Variants in SASH1 observed in about 807,000 individuals in gnomAD.
SASH1 encodes the protein SAM and SH3 domain-containing protein 1.
Under a neutral mutation model 125.2 loss-of-function variants are expected in SASH1, and 44 were observed. That is an observed-to-expected ratio of 0.35 (90% CI 0.28 to 0.45). The LOEUF is 0.45. Among genes scored for constraint, SASH1 ranks in the 20% least tolerant of loss-of-function variants. The probability of loss-of-function intolerance (pLI) is 1.00; values close to 1 mark genes in which losing one functional copy is unlikely to be tolerated. For missense variants in SASH1, 1,426 were observed against 1,614.5 expected (o/e 0.88, Z 2.00); for synonymous variants, 639 against 649.1 (o/e 0.98, Z 0.24).
intron 7 of SASH1, among the ~76,000 whole-genome samples, chr6:148,475,995 CT>C (rs1168503093): frequency 6.6e-6 from 1 of 151,960 alleles, no homozygotes; most frequent in Non-Finnish European, 1.5e-5. Context: ...CCACATAGTA[CT>C]GAAAGTCCTA....
chr6:148,496,528 G>A (rs574375766), intron 8 of SASH1, among the ~76,000 whole-genome samples: 16 of 152,298 alleles, frequency 1.1e-4, no homozygotes, highest in South Asian at 1.0e-3. Flanking sequence ...TTCTGTATAC[G>A]ATGCATGCAG....
In SASH1 at chr6:148,342,985, C is replaced by G; in HGVS notation, c.-83C>G. 6.8e-6 allele frequency: 7 copies of G among 1,034,916 alleles called. No individual in the cohort carries two copies. Among genetic ancestry groups the G allele is most frequent in the Non-Finnish European group, 8.1e-6 (7 of 862,250 alleles). The allele number at this position is 1,034,916 out of a possible 1,614,324, so 64.1% of individuals were successfully genotyped here. A position where few individuals can be genotyped will look rare whatever the true frequency, so the allele number is the denominator to read the frequency against. On this transcript the variant is annotated 5_prime_UTR_variant, in exon 1 of 20. Coordinates refer to ENST00000367467, the MANE Select transcript of SASH1 (RefSeq NM_015278.5). ...CTCGGTGACGCCGCGGGCGGGGACC[C>G]GGCATCCGGGCAGGCTGCGCGCGGG...
At chr6:148,387,649 T>G (rs545480718) in intron 1 of SASH1, among the ~76,000 whole-genome samples, 3 of 94,496 alleles carry the variant, frequency 3.2e-5, no homozygotes, top group Non-Finnish European at 4.2e-5. Flanking sequence ...TCTTTCTTTC[T>G]TTCTTTCTTT....
intron 1 of SASH1, among the ~76,000 whole-genome samples, chr6:148,381,734 T>C (rs1783147810): frequency 6.8e-6 from 1 of 146,984 alleles, no homozygotes; most frequent in African/African-American, 2.5e-5. Context: ...GCTCAAGTGA[T>C]TCTCTCGCCT....
Position 148,435,151 on chromosome 6 carries a change from G to A in SASH1, c.286-5033G>A, listed in dbSNP as rs577462448. On this transcript the variant is annotated intron_variant, in intron 2 of 19. Coordinates refer to ENST00000367467, the MANE Select transcript of SASH1 (RefSeq NM_015278.5). ...GCCGAAGTGGATGGATCCCGAGGTC[G>A]GAAGTTGGAGACCAGTCTGGCCAAG... is the stretch of plus-strand genomic sequence containing the variant. 3.9e-5 allele frequency among the ~76,000 whole-genome samples: 6 copies of A among 152,120 alleles called. No individual in the cohort carries two copies. In the East Asian group the frequency reaches 9.7e-4, roughly 25 times the overall value.
chr6:148,210,437 G>A, the SASH1 span, among the ~76,000 whole-genome samples: 1 of 152,216 alleles, frequency 6.6e-6, no homozygotes, highest in Non-Finnish European at 1.5e-5. Context: ...GGAGGCTGAG[G>A]CAGGAGAATT....
intron 4 of SASH1, among the ~76,000 whole-genome samples, chr6:148,463,800 C>T (rs1777723827): frequency 6.6e-6 from 1 of 152,166 alleles, no homozygotes; most frequent in Non-Finnish European, 1.5e-5. Context: ...GTTCCCCTGC[C>T]CAGCTTTCCC....
the SASH1 span, among the ~76,000 whole-genome samples, chr6:148,194,782 T>G: frequency 7.2e-5 from 11 of 152,206 alleles, no homozygotes; most frequent in Admixed American, 4.6e-4. Context: ...GGCGGGCTCC[T>G]GTAGTCCCAG....
the SASH1 span, among the ~76,000 whole-genome samples, chr6:148,257,956 A>G: frequency 6.6e-6 from 1 of 152,182 alleles, no homozygotes; most frequent in Non-Finnish European, 1.5e-5. Flanking sequence ...CTGTTCCACT[A>G]GTCTTTAAGA....
intron 1 of SASH1, among the ~76,000 whole-genome samples, chr6:148,274,036 G>T (rs1779126959): frequency 6.6e-6 from 1 of 152,208 alleles, no homozygotes; most frequent in South Asian, 2.1e-4. Flanking sequence ...GAGAGACTGG[G>T]TCATTGAGAG....
intron 8 of SASH1, chr6:148,513,936 G>C (rs1780290200): frequency 1.0e-6 from 1 of 990,548 alleles, no homozygotes; most frequent in Non-Finnish European, 1.2e-6. Context: ...AGCAAGCCCT[G>C]ATGGGCCAGA....
At chr6:148,455,548 G>A (rs186541209) in intron 4 of SASH1, among the ~76,000 whole-genome samples, 55 of 152,324 alleles carry the variant, frequency 3.6e-4, no homozygotes, top group African/African-American at 1.3e-3. Flanking sequence ...ATTAAGAATG[G>A]GAGGACAGGG....
intron 1 of SASH1, among the ~76,000 whole-genome samples, chr6:148,312,762 G>T (rs2128519101): frequency 6.6e-6 from 1 of 152,212 alleles, no homozygotes; most frequent in South Asian, 2.1e-4. Flanking sequence ...TTTTAGATGT[G>T]CCTTTATATT....
At chr6:148,530,739 T>TCTATTGATGTAGCACCA (rs1192542827) in intron 12 of SASH1, among the ~76,000 whole-genome samples, 2 of 152,212 alleles carry the variant, frequency 1.3e-5, no homozygotes, top group Non-Finnish European at 2.9e-5. Context: ...TGTGATATCG[T>TCTATTGATGTAGCACCA]CTATTGATGT....
At chr6:148,536,995 G>A (rs73589311) in intron 16 of SASH1, among the ~76,000 whole-genome samples, 2,677 of 152,286 alleles carry the variant, frequency 0.018, 89 homozygotes, top group African/African-American at 0.061. Context: ...AGGTTCCAGA[G>A]TACCCATTAG....
intron 8 of SASH1, among the ~76,000 whole-genome samples, chr6:148,492,999 A>T (rs941949320): frequency 2.0e-5 from 3 of 152,210 alleles, no homozygotes; most frequent in Non-Finnish European, 2.9e-5. Flanking sequence ...AGTTAGACCT[A>T]GGGCCAGAAA....
chr6:148,287,041 G>A (rs1225151143), intron 1 of SASH1, among the ~76,000 whole-genome samples: 2 of 152,164 alleles, frequency 1.3e-5, no homozygotes, highest in African/African-American at 4.8e-5. Flanking sequence ...GGAGTCCAGA[G>A]GGTCAGATTT....
At chr6:148,486,232 T>C (rs1279650636) in intron 7 of SASH1, among the ~76,000 whole-genome samples, 2 of 152,194 alleles carry the variant, frequency 1.3e-5, no homozygotes, top group Non-Finnish European at 2.9e-5. Flanking sequence ...GCGATTCTCC[T>C]GCCTCAGCCT....
Position 148,519,727 on chromosome 6 carries a change from G to A in SASH1, c.1043G>A (p.Arg348Gln), listed in dbSNP as rs893325642. ...SSSLDTWGAG[R>Q]KLVKTFSKGE... ...AGCCTGGACACCTGGGGGGCTGGCC[G>A]GAAGTTGGTCAAAACCTTCAGCAAA... Residue 348 changes from arginine (R) to glutamine (Q), a missense_variant, in exon 10 of 20, where the codon CGG becomes CAG. By Grantham distance (43) the Arg-to-Gln change is conservative (BLOSUM62 1). Transcript: ENST00000367467. The surrounding 1 kb of genome is among the most constrained non-coding windows in gnomAD (Gnocchi z 4.8). The A allele has an allele frequency of 5.6e-6, 9 of 1,613,986 alleles. No homozygotes were observed. Among genetic ancestry groups the A allele is most frequent in the East Asian group, 4.5e-5 (2 of 44,888 alleles).
Sources: gnomAD v4.1 joint callset for allele counts (sites outside exome capture counted in the v4.1 genomes callset) on GRCh38, gnomAD v4.1.1 for gene constraint, Gnocchi (gnomAD v3.1) non-coding constraint, MANE v1.5 for transcripts, NCBI Gene and HGNC (gene_info 2026-07-23, HGNC 2026-07-21) for gene names.